Variants in PCDHGA4 observed in about 807,000 individuals in gnomAD.
The protein encoded by PCDHGA4 is protocadherin gamma subfamily A, 4, also known as protocadherin gamma-A4.
Under a neutral mutation model 54.6 loss-of-function variants are expected in PCDHGA4, and 38 were observed. That is an observed-to-expected ratio of 0.70 (90% CI 0.54 to 0.91). PCDHGA4 has a LOEUF of 0.91. PCDHGA4 is among the 40% of genes least tolerant of loss of function. The pLI is 0.00. For missense variants in PCDHGA4, 1,298 were observed against 1,220.9 expected, an observed-to-expected ratio of 1.06 and a Z score of -0.94; for synonymous variants, 511 against 512.9, an observed-to-expected ratio of 1.00 and a Z score of 0.05.
intron 1 of PCDHGA4, chr5:141,415,704 T>G: frequency 7.4e-7 from 1 of 1,344,464 alleles, no homozygotes; most frequent in Non-Finnish European, 1.0e-6. Flanking sequence ...GTGTAAATGC[T>G]AAAACACTGA....
chr5:141,413,230 C>T (rs2095618383), intron 1 of PCDHGA4: 4 of 1,613,826 alleles, frequency 2.5e-6, no homozygotes, highest in Non-Finnish European at 3.4e-6. Flanking sequence ...CGGGCTGGTC[C>T]TGCTCTGCCT....
chr5:141,394,033 G>A, intron 1 of PCDHGA4: 7 of 1,613,540 alleles, frequency 4.3e-6, no homozygotes, highest in Non-Finnish European at 5.9e-6. Context: ...TTAGTGACAA[G>A]GAAATATTTG....
At chr5:141,375,630 C>A (rs1162494057) in intron 1 of PCDHGA4, 1 of 1,614,246 alleles carries the variant, frequency 6.2e-7, no homozygotes, top group African/African-American at 1.3e-5. Flanking sequence ...ATTCTGTACG[C>A]CCTGCGCTCC....
intron 1 of PCDHGA4, chr5:141,424,561 T>C (rs972361161): frequency 7.9e-5 from 12 of 152,236 alleles, no homozygotes; most frequent in African/African-American, 2.9e-4. Flanking sequence ...TCAGTGCTTC[T>C]CAAAAACCTA....
chr5:141,356,711 A>G lies in PCDHGA4; in HGVS notation c.1604A>G (p.Tyr535Cys). ...DTFQGAPLSS[Y>C]VSINSNTGIL... ...TTCCAGGGTGCACCTCTGTCCTCCT[A>G]TGTCTCCATCAACTCCAATACAGGG... The change falls in exon 1 of 4, where the codon TAT (tyrosine) becomes TGT (cysteine). Residue 535 changes from tyrosine to cysteine, a missense_variant. Transcript: ENST00000571252. The G allele has an allele frequency of 6.2e-7, 1 of 1,613,884 alleles. No individual in the cohort carries two copies. The highest frequency in any genetic ancestry group is 8.5e-7 in the Non-Finnish European group (1 of 1,179,844).
At chr5:141,384,039 T>C in intron 1 of PCDHGA4, 1 of 1,612,888 alleles carries the variant, frequency 6.2e-7, no homozygotes, top group East Asian at 2.2e-5. Flanking sequence ...GAAAGAATGG[T>C]GAGGTGACCT....
chr5:141,476,049 C>T lies in PCDHGA4; in HGVS notation c.2515-18758C>T. 2.0e-6 allele frequency: 3 copies of T among 1,501,848 alleles called. No homozygotes were observed. The South Asian group carries it at 4.0e-5, about 20-fold the overall frequency. 93.0% of individuals were successfully genotyped at this position (1,501,848 alleles called of 1,614,324 possible). ...CGCCCAGCGCCCAAGCGCTAACCCG[C>T]TGAAAGTTTCTCAGCGAAATCTCAG... On this transcript the variant is annotated intron_variant, in intron 1 of 3. Coordinates refer to ENST00000571252, the MANE Select transcript of PCDHGA4 (RefSeq NM_018917.4). This position sits in a 1 kb window ranked among gnomAD's most constrained non-coding sequence, Gnocchi z 7.6.
intron 1 of PCDHGA4, among the ~76,000 whole-genome samples, chr5:141,381,826 C>CTTCTTTTTT (rs1777532522): frequency 2.2e-4 from 16 of 74,296 alleles, no homozygotes; most frequent in African/African-American, 9.3e-4. Context: ...CTTTCTTCTT[C>CTTCTTTTTT]TTTTTTTTTT....
intron 1 of PCDHGA4, among the ~76,000 whole-genome samples, chr5:141,425,325 A>G (rs1371591408): frequency 6.6e-6 from 1 of 152,240 alleles, no homozygotes. Context: ...ATCGTGGAGA[A>G]CAAAAAGGAA....
At chr5:141,409,863 A>G in intron 1 of PCDHGA4, 3 of 1,612,376 alleles carry the variant, frequency 1.9e-6, no homozygotes, top group Non-Finnish European at 2.5e-6. Flanking sequence ...TTGGTGGGAG[A>G]CCGCAATGAC....
At chr5:141,478,444 T>C (rs1190996745) in intron 1 of PCDHGA4, 1 of 1,613,478 alleles carries the variant, frequency 6.2e-7, no homozygotes, top group Non-Finnish European at 8.5e-7. Flanking sequence ...TGAAGAAACC[T>C]GGTGCAGCCA....
chr5:141,355,703 AG>A lies in PCDHGA4; in HGVS notation c.599del (p.Gly200ValfsTer32). On this transcript the variant is annotated frameshift_variant, in exon 1 of 4. Coordinates refer to ENST00000571252, the MANE Select transcript of PCDHGA4 (RefSeq NM_018917.4). LOFTEE classifies it high-confidence loss of function. ...CCGGATGTAGGTGTAAACTCCCTGC[AG>A]GGTTACCAGCTCAACTCAAACGGTT... ...FDPDVGVNSL[Q>X]GYQLNSNGYF... is the part of the protein sequence containing the mutation. 6.2e-7 allele frequency: 1 copy of A among 1,614,000 alleles called. No homozygotes were observed. Among genetic ancestry groups the A allele is most frequent in the Non-Finnish European group, 8.5e-7 (1 of 1,179,896 alleles).
chr5:141,392,628 A>T (rs2092566593), intron 1 of PCDHGA4: 1 of 588,334 alleles, frequency 1.7e-6, no homozygotes, highest in South Asian at 2.7e-5. Context: ...AAACACTCAG[A>T]TCTCACACCT....
chr5:141,362,453 A>G (rs759632771), intron 1 of PCDHGA4: 1 of 1,614,024 alleles, frequency 6.2e-7, no homozygotes, highest in South Asian at 1.1e-5. Context: ...ATAACCCCGG[A>G]ATTGGTTCCC....
rs2099811015 is a variant in PCDHGA4 at position 141,501,774 on chromosome 5, G to GTC, written c.2574-3612_2574-3611dup. ...CTCTCAGTAAATGGTTAAAAAAGAG[G>GTC]TCTCTCTCCCTCTGCTCATCTCTTA... is the stretch of plus-strand genomic sequence containing the variant. On this transcript the variant is annotated intron_variant, in intron 2 of 3. Coordinates refer to ENST00000571252, the MANE Select transcript of PCDHGA4 (RefSeq NM_018917.4). Among the ~76,000 whole-genome samples, 3 of 152,062 alleles carry GTC rather than the reference G, an allele frequency of 2.0e-5. No homozygotes were observed. In the South Asian group the frequency reaches 6.2e-4, roughly 32 times the overall value.
chr5:141,360,241 T>C lies in PCDHGA4; in HGVS notation c.2514+2620T>C, dbSNP rs371403228. The C allele has an allele frequency of 6.4e-5, 103 of 1,613,930 alleles. No homozygotes were observed. The African/African-American group carries it at 1.3e-3, about 20-fold the overall frequency. ...GGCTCTCCCAGTCCAGATCCGCTATTCAATTCCAGAGGAGCTGGCCAAAAA... is the reference window on the plus strand; with the variant it reads ...GGCTCTCCCAGTCCAGATCCGCTATCCAATTCCAGAGGAGCTGGCCAAAAA... On this transcript the variant is annotated intron_variant, in intron 1 of 3. Transcript: ENST00000571252.
At chr5:141,390,123 C>T in intron 1 of PCDHGA4, 1 of 1,614,008 alleles carries the variant, frequency 6.2e-7, no homozygotes, top group Non-Finnish European at 8.5e-7. Context: ...GGGGACTTTG[C>T]CTTATTCCTA....
rs779732249 is a variant in PCDHGA4, at chr5:141,361,274, GAGA to G, written c.2514+3656_2514+3658del. 2.5e-6 allele frequency: 4 copies of G among 1,613,962 alleles called. No individual in the cohort carries two copies. In the African/African-American group the frequency reaches 5.3e-5, roughly 22 times the overall value. On this transcript the variant is annotated intron_variant, in intron 1 of 3. Transcript: ENST00000571252. ...AGAGACAGAGACTCTGGAGAAAATG[GAGA>G]AGTTTACTGCCAAGTGTTGGGAAAT...
intron 1 of PCDHGA4, chr5:141,372,919 A>AT (rs1186389143): frequency 7.2e-5 from 73 of 1,017,918 alleles, no homozygotes; most frequent in Non-Finnish European, 9.7e-5. Context: ...TATTTTATTG[A>AT]TTTTCTGGTG....
Sources: allele counts gnomAD v4.1 joint callset (sites outside exome capture counted in the v4.1 genomes callset), GRCh38; gene constraint gnomAD v4.1.1; non-coding constraint Gnocchi (gnomAD v3.1); transcripts MANE v1.5; gene names NCBI Gene and HGNC (gene_info 2026-07-23, HGNC 2026-07-21).